ASIC2: variants seen among roughly 807,000 people sequenced by gnomAD.
The protein encoded by ASIC2 is acid sensing ion channel subunit 2.
Under a neutral mutation model 57.3 loss-of-function variants are expected in ASIC2, and 25 were observed. The ratio of observed to expected loss-of-function variants is 0.44; its 90% confidence interval spans 0.32 to 0.61. The LOEUF (loss-of-function observed/expected upper bound fraction) is 0.61. Ranked by LOEUF, ASIC2 falls within the 20% of genes least tolerant of loss-of-function variation. The probability of loss-of-function intolerance (pLI) is 0.06; values close to 1 mark genes in which losing one functional copy is unlikely to be tolerated. For missense variants in ASIC2, 641 were observed against 738.1 expected, an observed-to-expected ratio of 0.87 and a Z score of 1.52; for synonymous variants, 319 against 307.5, an observed-to-expected ratio of 1.04 and a Z score of -0.39.
intron 1 of ASIC2, among the ~76,000 whole-genome samples, chr17:33,710,981 C>G (rs1268767756): frequency 7.6e-6 from 1 of 131,020 alleles, no homozygotes; most frequent in Non-Finnish European, 1.6e-5. Context: ...GGGTCTTGCT[C>G]TGTTATCCAG....
intron 1 of ASIC2, among the ~76,000 whole-genome samples, chr17:33,383,175 G>A (rs990326483): frequency 1.3e-5 from 2 of 152,110 alleles, no homozygotes; most frequent in Non-Finnish European, 2.9e-5. Flanking sequence ...CCTATGTTGG[G>A]TCCCATAGCA....
intron 1 of ASIC2, among the ~76,000 whole-genome samples, chr17:33,192,383 CAAAAACAAAACAAAACAAAA>C (rs1906455349): frequency 7.0e-6 from 1 of 142,374 alleles, no homozygotes; most frequent in Middle Eastern, 3.6e-3. Context: ...AACTCAGTCT[CAAAAACAAAACAAAACAAAA>C]CAAAACAAAA....
At chr17:33,091,933 T>G (rs897665330) in intron 2 of ASIC2, among the ~76,000 whole-genome samples, 2 of 152,218 alleles carry the variant, frequency 1.3e-5, no homozygotes, top group African/African-American at 4.8e-5. Flanking sequence ...TTAATGTTAA[T>G]TAATTAAAAC....
intron 1 of ASIC2, among the ~76,000 whole-genome samples, chr17:33,318,041 C>T (rs953372186): frequency 3.9e-5 from 6 of 152,046 alleles, no homozygotes; most frequent in East Asian, 1.9e-4. Context: ...AAAGAGCTGA[C>T]GGTCGCATTT....
Position 33,897,632 on chromosome 17 carries a change from A to G in ASIC2, c.555+258346T>C, listed in dbSNP as rs114880118. On this transcript the variant is annotated intron_variant, in intron 1 of 9. Coordinates refer to the ASIC2 transcript ENST00000359872. ...AACTGCACTTGCAGCAAATGTACCC[A>G]TGTGCTTCATTTCAAAATAGTTAAT... Among the ~76,000 whole-genome samples the G allele has an allele frequency of 4.4e-3, 663 of 152,358 alleles. 9 individuals are homozygous for G. Among genetic ancestry groups the G allele is most frequent in the African/African-American group, 0.015 (639 of 41,578 alleles).
intron 2 of ASIC2, among the ~76,000 whole-genome samples, chr17:33,098,173 C>T (rs937857637): frequency 6.6e-5 from 10 of 152,140 alleles, no homozygotes; most frequent in Non-Finnish European, 1.5e-4. Context: ...GTGCAAATGT[C>T]TTTACCTCAC....
chr17:33,907,976 T>TC (rs1229890893), intron 1 of ASIC2, among the ~76,000 whole-genome samples: 1 of 152,202 alleles, frequency 6.6e-6, no homozygotes, highest in Non-Finnish European at 1.5e-5. Context: ...GCAGTTTTTT[T>TC]CCCTCACACT....
chr17:33,947,348 C>T (rs560049408), intron 1 of ASIC2, among the ~76,000 whole-genome samples: 1 of 152,194 alleles, frequency 6.6e-6, no homozygotes, highest in Non-Finnish European at 1.5e-5. Context: ...GCTCTAATTA[C>T]TGCTCTTAGT....
chr17:34,047,199 T>C (rs1363165900), intron 1 of ASIC2, among the ~76,000 whole-genome samples: 1 of 152,162 alleles, frequency 6.6e-6, no homozygotes, highest in East Asian at 1.9e-4. Flanking sequence ...GGGCTACCCA[T>C]TCACACATAC....
At chr17:33,269,751 T>TTCC (rs1904404897) in intron 1 of ASIC2, among the ~76,000 whole-genome samples, 7 of 103,022 alleles carry the variant, frequency 6.8e-5, no homozygotes, top group African/African-American at 2.2e-4. Flanking sequence ...TCCTTCCTTC[T>TTCC]TTCCTTCCTT....
chr17:33,066,327 C>T (rs1236306959), intron 3 of ASIC2, among the ~76,000 whole-genome samples: 3 of 152,086 alleles, frequency 2.0e-5, no homozygotes, highest in Admixed American at 1.3e-4. Context: ...CAAACTCTGG[C>T]GTGCATGGTG....
At chr17:33,552,949 T>C (rs1915796800) in intron 1 of ASIC2, among the ~76,000 whole-genome samples, 1 of 152,188 alleles carries the variant, frequency 6.6e-6, no homozygotes, top group Non-Finnish European at 1.5e-5. Flanking sequence ...GCAGTGGGTC[T>C]CTTCTCCCTC....
At chr17:33,482,344 G>A (rs1242090530) in intron 1 of ASIC2, among the ~76,000 whole-genome samples, 1 of 152,154 alleles carries the variant, frequency 6.6e-6, no homozygotes, top group Non-Finnish European at 1.5e-5. Flanking sequence ...CTGTTCATAT[G>A]ACCTTCTGCC....
At chr17:34,128,976 C>G (rs1911872934) in intron 1 of ASIC2, among the ~76,000 whole-genome samples, 1 of 152,080 alleles carries the variant, frequency 6.6e-6, no homozygotes, top group African/African-American at 2.4e-5. Flanking sequence ...ATATTGAGAA[C>G]TCCTGGGCTC....
intron 1 of ASIC2, among the ~76,000 whole-genome samples, chr17:33,433,557 A>G (rs1597726660): frequency 6.6e-6 from 1 of 152,202 alleles, no homozygotes; most frequent in Non-Finnish European, 1.5e-5. Flanking sequence ...GGAGTTCAAG[A>G]CCAGCCTGGC....
chr17:34,056,364 T>C (rs1191246562), intron 1 of ASIC2, among the ~76,000 whole-genome samples: 1 of 152,126 alleles, frequency 6.6e-6, no homozygotes, highest in Non-Finnish European at 1.5e-5. Flanking sequence ...CTAAAATACC[T>C]CAACATCTTG....
At chr17:33,596,780 T>A (rs1477028693) in intron 1 of ASIC2, among the ~76,000 whole-genome samples, 1 of 152,212 alleles carries the variant, frequency 6.6e-6, no homozygotes, top group Non-Finnish European at 1.5e-5. Flanking sequence ...GCTAACAGAG[T>A]GGCTTATGCT....
In ASIC2 at chr17:33,174,002, G is replaced by T. The variant is rs116710314; in HGVS notation, c.709-61935C>A. On this transcript the variant is annotated intron_variant, in intron 1 of 9. Coordinates refer to ENST00000225823, the MANE Select transcript of ASIC2 (RefSeq NM_183377.2). ...CACAAGTGCCTCTGCTGCCTCAGAG[G>T]TCTGCTCTGAAGCCAAGTACATTTG... 4.7e-3 allele frequency among the ~76,000 whole-genome samples: 718 copies of T among 152,240 alleles called. 6 individuals are homozygous for T. Among genetic ancestry groups the T allele is most frequent in the African/African-American group, 0.016 (676 of 41,538 alleles).
intron 1 of ASIC2, among the ~76,000 whole-genome samples, chr17:34,042,475 A>T (rs1908175360): frequency 6.6e-6 from 1 of 152,192 alleles, no homozygotes; most frequent in Non-Finnish European, 1.5e-5. Flanking sequence ...GTATGATTCC[A>T]TCCACATAAT....
Sources: allele counts gnomAD v4.1 joint callset (sites outside exome capture counted in the v4.1 genomes callset), GRCh38; gene constraint gnomAD v4.1.1; transcripts MANE v1.5; gene names NCBI Gene and HGNC (gene_info 2026-07-23, HGNC 2026-07-21).